CMTR1: variants seen among roughly 807,000 people sequenced by gnomAD.
CMTR1 encodes cap-specific mRNA (nucleoside-2'-O-)-methyltransferase 1.
Under a neutral mutation model 107.0 loss-of-function variants are expected in CMTR1, and 39 were observed. The ratio of observed to expected loss-of-function variants is 0.36; its 90% CI spans 0.28 to 0.48. The LOEUF (loss-of-function observed/expected upper bound fraction) is 0.48, where lower values mean the gene tolerates loss of function less well. Ranked by LOEUF, CMTR1 falls within the 20% of genes least tolerant of loss-of-function variation. The pLI is 0.99. For missense variants in CMTR1, 672 were observed against 1,064.9 expected (o/e 0.63, Z 5.14); for synonymous variants, 366 against 379.5 (o/e 0.96, Z 0.41).
At chr6:37,453,404 G>A in intron 8 of CMTR1, 92 bp downstream of exon 8, 1 of 1,163,438 alleles carries the variant, frequency 8.6e-7, no homozygotes, top group Non-Finnish European at 1.3e-6. Context: ...TGCTAGGAGA[G>A]TATTCTGACT....
Position 37,435,683 on chromosome 6 carries a change from AAGAGTTGCAGAGCTTGCCCTG to A in CMTR1, c.57_77del (p.Arg19_Leu25del). On this transcript the variant is annotated inframe_deletion, in exon 2 of 24. Coordinates refer to ENST00000373451, the MANE Select transcript of CMTR1 (RefSeq NM_015050.3). ...CTGCCCCCATCAAGAAACAGAAAAA[AAGAGTTGCAGAGCTTGCCCTG>A]AGCCTCAGCTCCACGTCCGATGATG... The A allele has an allele frequency of 6.2e-7, 1 of 1,603,720 alleles. No individual in the cohort carries two copies. Among genetic ancestry groups the A allele is most frequent in the Non-Finnish European group, 8.5e-7 (1 of 1,176,034 alleles).
intron 2 of CMTR1, among the ~76,000 whole-genome samples, chr6:37,440,341 G>A (rs1302848516): frequency 2.0e-5 from 3 of 152,134 alleles, no homozygotes; most frequent in East Asian, 3.8e-4. Flanking sequence ...TGCTGCAGCC[G>A]TGACAATTGT....
chr6:37,455,622 T>G (rs1329737628), intron 8 of CMTR1, among the ~76,000 whole-genome samples: 1 of 152,104 alleles, frequency 6.6e-6, no homozygotes, highest in Non-Finnish European at 1.5e-5. Flanking sequence ...AGAAGACAAC[T>G]GAAGGTAGAT....
At chr6:37,444,796 A>G (rs1245565951) in intron 3 of CMTR1, among the ~76,000 whole-genome samples, 1 of 152,128 alleles carries the variant, frequency 6.6e-6, no homozygotes, top group Non-Finnish European at 1.5e-5. Context: ...AGGCTGAGGC[A>G]GGTGGCTCAC....
intron 11 of CMTR1, 147 bp from the exon 12 acceptor site, chr6:37,461,823 G>A: frequency 1.0e-6 from 1 of 960,036 alleles, no homozygotes; most frequent in Non-Finnish European, 1.6e-6. Context: ...CCCCTCCAAA[G>A]ATGGTTCTCC....
intron 10 of CMTR1, among the ~76,000 whole-genome samples, chr6:37,460,250 G>A (rs1025397059): frequency 1.5e-4 from 23 of 152,232 alleles, no homozygotes; most frequent in Admixed American, 1.5e-3. Context: ...GGGACTCTTT[G>A]GGTGGCCTCT....
Position 37,451,872 on chromosome 6 carries a change from T to TGTAAG in CMTR1, c.609+3_609+7dup. 5 of 1,611,994 alleles carry TGTAAG rather than the reference T, an allele frequency of 3.1e-6. No individual in the cohort carries two copies. The highest frequency in any genetic ancestry group is 4.2e-6 in the Non-Finnish European group (5 of 1,178,766). On this transcript the variant is annotated frameshift_variant, in exon 6 of 24. Transcript: ENST00000373451. LOFTEE classifies it high-confidence loss of function. ...AGAGCTGCTTCACAGTGTGTTGCAG[T>TGTAAG]GTAAGGTAAGGTCTTGTGGCTAGAA...
intron 9 of CMTR1, 52 bp from the exon 10 acceptor site, chr6:37,459,514 T>A: frequency 6.7e-7 from 1 of 1,497,062 alleles, no homozygotes; most frequent in Non-Finnish European, 9.3e-7. Context: ...GTGTCCCAGC[T>A]CCTGACATGT....
intron 8 of CMTR1, among the ~76,000 whole-genome samples, chr6:37,453,752 G>A (rs1487194482): frequency 6.6e-6 from 1 of 152,196 alleles, no homozygotes; most frequent in Non-Finnish European, 1.5e-5. Flanking sequence ...TTGTTGGAAT[G>A]TGGTGAGGAG....
chr6:37,428,014 G>GAC, the CMTR1 span, among the ~76,000 whole-genome samples: 2 of 63,276 alleles, frequency 3.2e-5, no homozygotes, highest in African/African-American at 9.2e-5. Flanking sequence ...GAGACAGAGA[G>GAC]AGAGAGAGAG....
chr6:37,456,081 G>T (rs1335305806), intron 8 of CMTR1, among the ~76,000 whole-genome samples: 1 of 152,208 alleles, frequency 6.6e-6, no homozygotes, highest in East Asian at 1.9e-4. Flanking sequence ...CTTTGCAGGG[G>T]TGAGGTGTTC....
intron 18 of CMTR1, 100 bp downstream of exon 18, chr6:37,474,746 G>T: frequency 1.3e-6 from 2 of 1,537,080 alleles, no homozygotes; most frequent in Non-Finnish European, 1.8e-6. Flanking sequence ...TACATTGTGT[G>T]GTGGCTGACA....
intron 4 of CMTR1, 131 bp downstream of exon 4, chr6:37,446,580 G>C: frequency 9.7e-7 from 1 of 1,029,326 alleles, no homozygotes; most frequent in Non-Finnish European, 1.4e-6. Context: ...TTTTTACGTG[G>C]AAAGTACTGG....
At chr6:37,451,923 G>A in intron 6 of CMTR1, 46 bp downstream of exon 6, 1 of 1,494,714 alleles carries the variant, frequency 6.7e-7, no homozygotes, top group Non-Finnish European at 9.3e-7. Flanking sequence ...CTTGTGGGAG[G>A]TGATTTGCTG....
intron 2 of CMTR1, among the ~76,000 whole-genome samples, chr6:37,441,868 G>A (rs951415396): frequency 4.6e-5 from 7 of 152,116 alleles, no homozygotes; most frequent in African/African-American, 7.2e-5. Context: ...ACTCTGTGAC[G>A]TTTGCCAGAT....
Position 37,471,051 on chromosome 6 carries a change from G to A in CMTR1, c.1536G>A (p.Ala512=), listed in dbSNP as rs146308234. 57 of 1,606,118 alleles carry A rather than the reference G, an allele frequency of 3.5e-5. No individual in the cohort carries two copies. Among genetic ancestry groups the A allele is most frequent in the African/African-American group, 2.4e-4 (18 of 74,630 alleles). ...SHCSLQIKAL[A]KIHAFVQDTT... is the part of the protein sequence containing the mutation. ...GTAGTCTGCAGATCAAAGCTCTGGC[G>A]AAAATCCATGCCTTTGTTCAAGACA... The change falls in exon 14 of 24, where the codon GCG becomes GCA. Residue 512 remains alanine (A), a synonymous_variant. Coordinates refer to ENST00000373451, the MANE Select transcript of CMTR1 (RefSeq NM_015050.3).
At chr6:37,424,273 C>T in the CMTR1 span, among the ~76,000 whole-genome samples, 1 of 150,186 alleles carries the variant, frequency 6.7e-6, no homozygotes, top group African/African-American at 2.5e-5. Context: ...GATGGAGTCT[C>T]CCTTTGTCGC....
rs907080946 is a variant in CMTR1, at chr6:37,472,876, C to G, written c.1689+389C>G. ...AGGGAGCTGCCAGGGAAGCCCGCAG[C>G]AGGGTTGGCCTAACCCCAGGTTCTT... On this transcript the variant is annotated intron_variant, in intron 16 of 23. Transcript: ENST00000373451. The surrounding 1 kb of genome is among the most constrained non-coding windows in gnomAD (Gnocchi z 4.1). Among the ~76,000 whole-genome samples, 3 of 152,180 alleles carry G rather than the reference C, an allele frequency of 2.0e-5. No individual in the cohort carries two copies. Among genetic ancestry groups the G allele is most frequent in the Admixed American group, 6.5e-5 (1 of 15,272 alleles).
rs563056941 is a variant in CMTR1, at chr6:37,480,009, C to G, written c.2376-4C>G. 1.3e-6 allele frequency: 2 copies of G among 1,571,500 alleles called. No individual in the cohort carries two copies. The highest frequency in any genetic ancestry group is 2.8e-5 in the African/African-American group (2 of 71,864). ...GACCTCTTTCCCATCCCTCTCCTCC[C>G]CAGCATTTGCTACTATGGCCGGCTC... On this transcript the variant is annotated splice_polypyrimidine_tract_variant and splice_region_variant and intron_variant, in intron 23 of 23. Transcript: ENST00000373451.
Sources: allele counts gnomAD v4.1 joint callset (sites outside exome capture counted in the v4.1 genomes callset), GRCh38; gene constraint gnomAD v4.1.1; non-coding constraint Gnocchi (gnomAD v3.1); transcripts MANE v1.5; gene names NCBI Gene and HGNC (gene_info 2026-07-23, HGNC 2026-07-21).